Variants in ST14 observed in about 807,000 individuals in gnomAD.
The protein encoded by ST14 is suppressor of tumorigenicity 14 protein.
A neutral mutation model predicts 96.5 loss-of-function variants in ST14; 40 were observed. That is an observed-to-expected ratio of 0.41 (90% CI 0.32 to 0.54). ST14 has a LOEUF of 0.54. Among genes scored for constraint, ST14 ranks in the 20% least tolerant of loss-of-function variants. The pLI is 0.17. For synonymous variants in ST14, 506 were observed against 492.1 expected, an observed-to-expected ratio of 1.03 and a Z score of -0.37; for missense variants, 1,066 against 1,188.9, an observed-to-expected ratio of 0.90 and a Z score of 1.52.
At chr11:130,165,262 G>T (rs1953032312) in intron 1 of ST14, among the ~76,000 whole-genome samples, 1 of 152,170 alleles carries the variant, frequency 6.6e-6, no homozygotes, top group African/African-American at 2.4e-5. Context: ...ATCAGATTTG[G>T]GTAAGAAACT....
rs913078533 is a variant in ST14 at position 130,208,677 on chromosome 11, G to C, written c.2262G>C (p.Gln754His). Residue 754 changes from glutamine (Q) to histidine (H), a missense_variant, in exon 17 of 19, where the codon CAG (glutamine) becomes CAC (histidine). Gln to His is a conservative substitution (Grantham distance 24). Coordinates refer to ENST00000278742, the MANE Select transcript of ST14 (RefSeq NM_021978.4). ...AIWVTGWGHT[Q>H]YGGTGALILQ... ...GGGTCACGGGCTGGGGACACACCCA[G>C]TATGGAGGTAAGCTTCGGGCTGACC... 18 of 1,613,020 alleles carry C rather than the reference G, an allele frequency of 1.1e-5. No homozygotes were observed. Among genetic ancestry groups the C allele is most frequent in the Admixed American group, 1.7e-5 (1 of 60,004 alleles).
chr11:130,188,381 G>A lies in ST14; in HGVS notation c.241+108G>A. The A allele has an allele frequency of 1.3e-6, 2 of 1,581,580 alleles. No individual in the cohort carries two copies. The highest frequency in any genetic ancestry group is 2.7e-5 in the African/African-American group (2 of 74,534). ...CTACTGAGTACACGAGGATCTCTTG[G>A]CCTCTCTGGAACCCTGATGGGGAGT... On this transcript the variant is annotated intron_variant, in intron 2 of 18. Transcript: ENST00000278742. The surrounding 1 kb of genome is among the most constrained non-coding windows in gnomAD (Gnocchi z 5.4).
At chr11:130,168,319 A>T (rs542735662) in intron 1 of ST14, among the ~76,000 whole-genome samples, 42 of 152,312 alleles carry the variant, frequency 2.8e-4, no homozygotes, top group African/African-American at 1.0e-3. Flanking sequence ...AGGGAAGATG[A>T]CTAAGGGTGA....
chr11:130,184,809 G>GGAAT (rs1024177252), intron 1 of ST14, among the ~76,000 whole-genome samples: 3 of 152,222 alleles, frequency 2.0e-5, no homozygotes, highest in African/African-American at 7.2e-5. Flanking sequence ...GAAAAGAAGG[G>GGAAT]GAATGAGTCT....
chr11:130,209,888 C>T lies in ST14; in HGVS notation c.*65C>T. On this transcript the variant is annotated 3_prime_UTR_variant, in exon 19 of 19. Coordinates refer to ENST00000278742, the MANE Select transcript of ST14 (RefSeq NM_021978.4). Reference sequence around the variant, plus strand: ...CCATCGTCCACCCCAGTGTGCACGCCTGCAGGCTGGAGACTGGACCGCTGA... The same window carrying T: ...CCATCGTCCACCCCAGTGTGCACGCTTGCAGGCTGGAGACTGGACCGCTGA... 6.3e-7 allele frequency: 1 copy of T among 1,584,968 alleles called. No homozygotes were observed. The highest frequency in any genetic ancestry group is 8.6e-7 in the Non-Finnish European group (1 of 1,163,836).
chr11:130,175,976 G>C (rs1953133860), intron 1 of ST14, among the ~76,000 whole-genome samples: 1 of 152,192 alleles, frequency 6.6e-6, no homozygotes, highest in Non-Finnish European at 1.5e-5. Context: ...GCTGATTTGT[G>C]GTTCTAATGG....
At chr11:130,165,029 G>C (rs1346226058) in intron 1 of ST14, among the ~76,000 whole-genome samples, 1 of 152,128 alleles carries the variant, frequency 6.6e-6, no homozygotes, top group South Asian at 2.1e-4. Flanking sequence ...GAGCCACCAC[G>C]CCCGGCCCAG....
chr11:130,188,206 G>A lies in ST14; in HGVS notation c.174G>A (p.Leu58=). The change falls in exon 2 of 19, where the codon CTG becomes CTA. Residue 58 remains leucine, a synonymous_variant. Transcript: ENST00000278742. The surrounding 1 kb of genome is among the most constrained non-coding windows in gnomAD (Gnocchi z 5.4). The part of the protein sequence containing the change: ...EKHGPGRWVV[L]AAVLIGLLLV... ...ATGGCCCGGGGCGCTGGGTGGTGCT[G>A]GCAGCCGTGCTGATCGGCCTCCTCT... 6.2e-7 allele frequency: 1 copy of A among 1,614,188 alleles called. No individual in the cohort carries two copies. The highest frequency in any genetic ancestry group is 8.5e-7 in the Non-Finnish European group (1 of 1,180,030).
At chr11:130,206,567 C>T (rs1591897753) in intron 16 of ST14, among the ~76,000 whole-genome samples, 1 of 143,140 alleles carries the variant, frequency 7.0e-6, no homozygotes, top group Admixed American at 6.9e-5. Flanking sequence ...CTTTTCTTTT[C>T]TTTTTTTTTT....
At chr11:130,184,106 G>C (rs1052678915) in intron 1 of ST14, among the ~76,000 whole-genome samples, 2 of 152,192 alleles carry the variant, frequency 1.3e-5, no homozygotes, top group African/African-American at 4.8e-5. Context: ...TGGTTTCTTG[G>C]GGACAGGAAA....
At chr11:130,183,220 A>G in intron 1 of ST14, among the ~76,000 whole-genome samples, 1 of 151,950 alleles carries the variant, frequency 6.6e-6, no homozygotes, top group Non-Finnish European at 1.5e-5. Context: ...TCGGCCTCCC[A>G]AAGTGCTGGG....
chr11:130,189,064 G>A, intron 4 of ST14, 125 bp downstream of exon 4: 1 of 1,036,286 alleles, frequency 9.6e-7, no homozygotes, highest in Non-Finnish European at 1.5e-6. Flanking sequence ...AGCCAAGGAG[G>A]GTCCTCGCTG....
At position 130,198,631 on chromosome 11, in the gene ST14, G is replaced by A. The variant is rs1434801650; in HGVS notation, c.1684+10G>A. On this transcript the variant is annotated intron_variant, in intron 14 of 18. Coordinates refer to ENST00000278742, the MANE Select transcript of ST14 (RefSeq NM_021978.4). ...GCCTCCTGCCCCAAGGGTGAGGCCC[G>A]CCCCACCCATCTTCCTGTTGGGGGC... 7 of 1,608,094 alleles carry A rather than the reference G, an allele frequency of 4.4e-6. No homozygotes were observed. The highest frequency in any genetic ancestry group is 2.7e-5 in the African/African-American group (2 of 74,850).
chr11:130,192,700 G>T (rs1330445968), intron 7 of ST14, among the ~76,000 whole-genome samples: 1 of 152,142 alleles, frequency 6.6e-6, no homozygotes, highest in African/African-American at 2.4e-5. Flanking sequence ...CCAAATTTTT[G>T]ATGTCTATTT....
rs1244143242 is a variant in ST14, at chr11:130,181,130, T to G, written c.82-6984T>G. On this transcript the variant is annotated intron_variant, in intron 1 of 18. Transcript: ENST00000278742. This position sits in a 1 kb window ranked among gnomAD's most constrained non-coding sequence, Gnocchi z 4.1. Reference sequence around the variant, plus strand: ...GTGGTCTGATTTTGTCCCTGCTGGGTGGGATGGCGGTGGTCCCTGCTGGGT... The same window carrying G: ...GTGGTCTGATTTTGTCCCTGCTGGGGGGGATGGCGGTGGTCCCTGCTGGGT... 1.3e-5 allele frequency among the ~76,000 whole-genome samples: 2 copies of G among 151,058 alleles called. No individual in the cohort carries two copies. The highest frequency in any genetic ancestry group is 1.3e-4 in the Admixed American group (2 of 15,184).
chr11:130,192,417 C>G (rs1242858413), intron 7 of ST14, among the ~76,000 whole-genome samples: 1 of 152,244 alleles, frequency 6.6e-6, no homozygotes, highest in Admixed American at 6.5e-5. Flanking sequence ...GAGATGGAAT[C>G]TCGCTCTGTC....
At position 130,196,582 on chromosome 11, in the gene ST14, G is replaced by C. The variant is rs1953367730; in HGVS notation, c.1236G>C (p.Glu412Asp). The change falls in exon 11 of 19, where the codon GAG becomes GAC. Residue 412 changes from glutamate to aspartate, a missense_variant. Transcript: ENST00000278742. ...GCCCCCCCTCCAGATACTGCGGAGAGAGGTCCCAGTTCGTCGTCACCAGCA... is the reference window on the plus strand; with the variant it reads ...GCCCCCCCTCCAGATACTGCGGAGACAGGTCCCAGTTCGTCGTCACCAGCA... ...VEINGEKYCGERSQFVVTSNS... is the reference protein window; with the variant it reads ...VEINGEKYCGDRSQFVVTSNS... The C allele has an allele frequency of 6.2e-7, 1 of 1,612,648 alleles. No homozygotes were observed. Among genetic ancestry groups the C allele is most frequent in the Admixed American group, 1.7e-5 (1 of 59,908 alleles).
chr11:130,164,718 C>CTTATTATTA (rs57338069), intron 1 of ST14, among the ~76,000 whole-genome samples: 6,619 of 141,480 alleles, frequency 0.047, 334 homozygotes, highest in East Asian at 0.23. Context: ...CACACCCAGC[C>CTTATTATTA]TTATTATTAT....
In ST14 at chr11:130,188,218, G is replaced by T; in HGVS notation, c.186G>T (p.Leu62=). The T allele has an allele frequency of 6.2e-7, 1 of 1,614,194 alleles. No homozygotes were observed. Among genetic ancestry groups the T allele is most frequent in the Non-Finnish European group, 8.5e-7 (1 of 1,180,026 alleles). ...PGRWVVLAAV[L]IGLLLVLLGI... is the part of the protein sequence containing the mutation. The stretch of plus-strand genomic sequence containing the variant: ...GCTGGGTGGTGCTGGCAGCCGTGCT[G>T]ATCGGCCTCCTCTTGGTCTTGCTGG... Residue 62 remains leucine (L), a synonymous_variant, in exon 2 of 19, where the codon CTG becomes CTT. Coordinates refer to ENST00000278742, the MANE Select transcript of ST14 (RefSeq NM_021978.4). The surrounding 1 kb of genome is among the most constrained non-coding windows in gnomAD (Gnocchi z 5.4).
Sources: allele counts gnomAD v4.1 joint callset (sites outside exome capture counted in the v4.1 genomes callset), GRCh38; gene constraint gnomAD v4.1.1; non-coding constraint Gnocchi (gnomAD v3.1); transcripts MANE v1.5; gene names NCBI Gene and HGNC (gene_info 2026-07-23, HGNC 2026-07-21).